HUWE1: variants seen among roughly 807,000 people sequenced by gnomAD.
HUWE1 encodes the protein E3 ubiquitin-protein ligase HUWE1.
In HUWE1, 18 loss-of-function variants were observed where a neutral mutation model predicts 299.4. That is an observed-to-expected ratio of 0.06 (90% CI 0.04 to 0.09). The LOEUF (loss-of-function observed/expected upper bound fraction) is 0.09, where lower values mean the gene tolerates loss of function less well. HUWE1 is among the 10% of genes least tolerant of loss of function. HUWE1 has a pLI of 1.00. For missense variants in HUWE1, 1,832 were observed against 3,462.3 expected (o/e 0.53, Z 11.82); for synonymous variants, 1,317 against 1,286.1 (o/e 1.02, Z -0.51).
Position 53,537,344 on chromosome X carries a change from T to C in HUWE1, c.12137+212A>G, listed in dbSNP as rs1602495815. 4.7e-5 allele frequency: 21 copies of C among 450,983 alleles called. No homozygotes were observed. The East Asian group carries it at 8.1e-4, about 17-fold the overall frequency. The allele number at this position is 450,983 out of a possible 1,213,427, so 37.2% of individuals were successfully genotyped here. ...AAAGACTTTCCTGTCTGTCTGGGAATTGTTGGGTAGCTTAGCTAAAGGGCC... is the reference window on the plus strand; with the variant it reads ...AAAGACTTTCCTGTCTGTCTGGGAACTGTTGGGTAGCTTAGCTAAAGGGCC... On this transcript the variant is annotated intron_variant, in intron 78 of 83. Transcript: ENST00000262854.
At position 53,573,895 on chromosome X, in the gene HUWE1, T is replaced by C. The variant is rs1556955385; in HGVS notation, c.6167A>G (p.Lys2056Arg). The C allele has an allele frequency of 8.3e-7, 1 of 1,209,960 alleles. No individual in the cohort carries two copies. The highest frequency in any genetic ancestry group is 1.7e-5 in the African/African-American group (1 of 57,174). ...KEGDRASEEG[K>R]QKGKGSKPLM... is the part of the protein sequence containing the mutation. ...AGGTTTGCTGCCCTTGCCTTTCTGTTTGCCTTCCTCAGAGGCCCGGTCCCC... is the reference window on the plus strand; with the variant it reads ...AGGTTTGCTGCCCTTGCCTTTCTGTCTGCCTTCCTCAGAGGCCCGGTCCCC... The change falls in exon 47 of 84, where the codon AAA (lysine) becomes AGA (arginine). Residue 2056 changes from lysine (K) to arginine (R), a missense_variant. By Grantham distance (26) the Lys-to-Arg change is conservative (BLOSUM62 2). Coordinates refer to ENST00000262854, the MANE Select transcript of HUWE1 (RefSeq NM_031407.7).
chrX:53,586,829 C>T lies in HUWE1; in HGVS notation c.4695G>A (p.Gln1565=). ...NVLIKLLEVV[Q]PCLQAAKEQK... ...GCTCCTTGGCTGCCTGGAGGCAGGG[C>T]TGAACCACTTCCAAGAGTTTGATTA... The change falls in exon 38 of 84, where the codon CAG becomes CAA. Residue 1565 remains glutamine, a synonymous_variant. Coordinates refer to ENST00000262854, the MANE Select transcript of HUWE1 (RefSeq NM_031407.7). The T allele has an allele frequency of 8.3e-7, 1 of 1,210,907 alleles. No homozygotes were observed. The highest frequency in any genetic ancestry group is 1.8e-5 in the South Asian group (1 of 56,931).
chrX:53,665,500 CG>C (rs1200769488), intron 3 of HUWE1, among the ~76,000 whole-genome samples: 2 of 111,651 alleles, frequency 1.8e-5, no homozygotes, highest in Non-Finnish European at 3.8e-5. Flanking sequence ...TGACTTTGAA[CG>C]TGAGAATAGT....
intron 17 of HUWE1, chrX:53,625,873 G>T (rs1342370240): frequency 1.0e-5 from 3 of 287,476 alleles, no homozygotes; most frequent in Non-Finnish European, 2.1e-5. Flanking sequence ...CCGGGGCCGG[G>T]GCCGGGGCCA....
chrX:53,624,777 T>A, intron 18 of HUWE1, 102 bp from the exon 19 acceptor site: 1 of 596,704 alleles, frequency 1.7e-6, no homozygotes, highest in Admixed American at 2.6e-5. Context: ...ACTGTGGTCC[T>A]CAAAGCCTGT....
intron 4 of HUWE1, among the ~76,000 whole-genome samples, chrX:53,649,540 T>G (rs1557038691): frequency 1.4e-4 from 16 of 112,272 alleles, no homozygotes. Context: ...TAAGCATTAT[T>G]AAGATCTACC....
chrX:53,533,295 TG>T lies in HUWE1; in HGVS notation c.*13del. ...AATGGTAAAAAAAACCCCACGGAGT[TG>T]GGCAGGGCCTTATTAGGCCAGCCCA... On this transcript the variant is annotated 3_prime_UTR_variant, in exon 84 of 84. Transcript: ENST00000262854. 1 of 1,129,124 alleles carries T rather than the reference TG, an allele frequency of 8.9e-7. No individual in the cohort carries two copies. Among genetic ancestry groups the T allele is most frequent in the Non-Finnish European group, 1.2e-6 (1 of 822,271 alleles). 93.1% of individuals were successfully genotyped at this position (1,129,124 alleles called of 1,213,427 possible). A position where few individuals can be genotyped will look rare whatever the true frequency, so the allele number is the denominator to read the frequency against.
intron 47 of HUWE1, among the ~76,000 whole-genome samples, chrX:53,573,524 T>G (rs915862518): frequency 1.2e-4 from 13 of 112,409 alleles, no homozygotes; most frequent in Non-Finnish European, 2.4e-4. Flanking sequence ...GCCAGGCTGA[T>G]CTCGAACTCC....
At position 53,539,955 on chromosome X, in the gene HUWE1, G is replaced by C. The variant is rs1376722083; in HGVS notation, c.11477-143C>G. On this transcript the variant is annotated intron_variant, in intron 74 of 83. Transcript: ENST00000262854. ...GAGTGGTACTCACCGAGCAACATCT[G>C]AAACAAGGTCTAGGACCTGCATTGG... 1.2e-5 allele frequency: 6 copies of C among 508,617 alleles called. No homozygotes were observed. The Admixed American group carries it at 1.5e-4, about 13-fold the overall frequency. 41.9% of individuals were successfully genotyped at this position (508,617 alleles called of 1,213,427 possible). A position where few individuals can be genotyped will look rare whatever the true frequency, so the allele number is the denominator to read the frequency against.
Position 53,679,375 on chromosome X carries a change from T to A in HUWE1, c.-25+674A>T, listed in dbSNP as rs782760653. Among the ~76,000 whole-genome samples, 4 of 112,689 alleles carry A rather than the reference T, an allele frequency of 3.5e-5. No individual in the cohort carries two copies. In the East Asian group the frequency reaches 1.1e-3, roughly 31 times the overall value. ...CTGTTAATTTTTTCAGTTGTGATAATAGTTTTGATCTTATATTTAAAGAGC... is the reference window on the plus strand; with the variant it reads ...CTGTTAATTTTTTCAGTTGTGATAAAAGTTTTGATCTTATATTTAAAGAGC... On this transcript the variant is annotated intron_variant, in intron 3 of 83. Transcript: ENST00000262854.
intron 4 of HUWE1, among the ~76,000 whole-genome samples, chrX:53,650,317 A>G (rs2068371975): frequency 8.9e-6 from 1 of 112,209 alleles, no homozygotes; most frequent in Admixed American, 9.4e-5. Flanking sequence ...CTCTCACTTT[A>G]GAAGGGATAT....
chrX:53,645,968 GTA>G (rs782035786), intron 6 of HUWE1, among the ~76,000 whole-genome samples: 1 of 109,088 alleles, frequency 9.2e-6, no homozygotes, highest in South Asian at 4.0e-4. Flanking sequence ...TGGACTAAAA[GTA>G]TTGTGAAAGA....
At chrX:53,588,283 C>G in intron 37 of HUWE1, 99 bp downstream of exon 37, 1 of 905,421 alleles carries the variant, frequency 1.1e-6, no homozygotes. Context: ...GGACTCATGC[C>G]TTATTCTTCG....
At position 53,550,070 on chromosome X, in the gene HUWE1, A is replaced by G. The variant is rs1226603614; in HGVS notation, c.9489-565T>C. Among the ~76,000 whole-genome samples the G allele has an allele frequency of 2.7e-5, 3 of 111,007 alleles. No individual in the cohort carries two copies. The East Asian group carries it at 8.4e-4, about 31-fold the overall frequency. The stretch of plus-strand genomic sequence containing the variant: ...ACTGGCCGAGAACCACCCATTTTTG[A>G]GATGATAAACAAGAGGCTCAAACAG... On this transcript the variant is annotated intron_variant, in intron 66 of 83. Transcript: ENST00000262854.
chrX:53,654,847 G>A (rs1374266377), intron 3 of HUWE1, among the ~76,000 whole-genome samples: 4 of 112,233 alleles, frequency 3.6e-5, no homozygotes, highest in Non-Finnish European at 7.5e-5. Flanking sequence ...AAGTATGACT[G>A]TTTTACCTAT....
intron 3 of HUWE1, among the ~76,000 whole-genome samples, chrX:53,674,052 C>T (rs1195355588): frequency 2.7e-5 from 3 of 111,465 alleles, no homozygotes; most frequent in Non-Finnish European, 5.7e-5. Context: ...CTTCCTTATA[C>T]CTTTTACGAT....
intron 3 of HUWE1, among the ~76,000 whole-genome samples, chrX:53,660,600 A>T (rs1215520896): frequency 1.8e-5 from 2 of 111,984 alleles, no homozygotes; most frequent in Non-Finnish European, 3.8e-5. Context: ...CAATACTGAG[A>T]CTGGAGTTCC....
At chrX:53,614,051 C>T (rs1445757857) in intron 23 of HUWE1, among the ~76,000 whole-genome samples, 3 of 111,280 alleles carry the variant, frequency 2.7e-5, no homozygotes, top group African/African-American at 9.8e-5. Context: ...GATCACCTGA[C>T]GTCGGGAGTT....
At chrX:53,649,695 T>C (rs149656331) in intron 4 of HUWE1, among the ~76,000 whole-genome samples, 2 of 112,209 alleles carry the variant, frequency 1.8e-5, no homozygotes, top group South Asian at 3.7e-4. Context: ...ACATGGAAAT[T>C]TGAACCACCT....
Sources: allele counts gnomAD v4.1 joint callset (sites outside exome capture counted in the v4.1 genomes callset), GRCh38; gene constraint gnomAD v4.1.1; transcripts MANE v1.5; gene names NCBI Gene and HGNC (gene_info 2026-07-23, HGNC 2026-07-21).